Variants in NPHP3 observed in about 807,000 individuals in gnomAD.
NPHP3 encodes the protein nephrocystin-3.
A neutral mutation model predicts 171.9 loss-of-function variants in NPHP3; 123 were observed. The ratio of observed to expected loss-of-function variants is 0.72; its 90% confidence interval spans 0.62 to 0.83. NPHP3 has a LOEUF of 0.83. Ranked by LOEUF, NPHP3 falls within the 40% of genes least tolerant of loss-of-function variation. The pLI, the probability that NPHP3 is intolerant of heterozygous loss-of-function variation, is 0.00. For missense variants in NPHP3, 1,506 were observed against 1,591.9 expected (o/e 0.95, Z 0.92); for synonymous variants, 558 against 579.2 (o/e 0.96, Z 0.52).
chr3:132,718,641 G>C (rs1053338983), intron 3 of NPHP3, among the ~76,000 whole-genome samples: 1 of 152,172 alleles, frequency 6.6e-6, no homozygotes, highest in African/African-American at 2.4e-5. Flanking sequence ...AGTGATCTTA[G>C]GTTGTACCTT....
chr3:132,719,175 C>T lies in NPHP3; in HGVS notation c.520-31G>A, dbSNP rs778977875. Reference sequence around the variant, plus strand: ...AAAAGAATAATTTTAATGTTGAAAGCTTTTTCATAATCAAAAAGTTGTGTC... The same window carrying T: ...AAAAGAATAATTTTAATGTTGAAAGTTTTTTCATAATCAAAAAGTTGTGTC... On this transcript the variant is annotated intron_variant, in intron 2 of 26. Transcript: ENST00000337331. 13 of 1,540,106 alleles carry T rather than the reference C, an allele frequency of 8.4e-6. No homozygotes were observed. The African/African-American group carries it at 1.4e-4, about 16-fold the overall frequency.
chr3:132,682,121 T>C, intron 26 of NPHP3, 31 bp from the exon 27 acceptor site: 1 of 1,583,402 alleles, frequency 6.3e-7, no homozygotes, highest in Middle Eastern at 1.7e-4. Context: ...ACTCTTAAAA[T>C]GAGAATATAA....
chr3:132,716,998 T>TA, intron 3 of NPHP3, 89 bp from the exon 4 acceptor site: 1 of 1,319,892 alleles, frequency 7.6e-7, no homozygotes, highest in Non-Finnish European at 1.1e-6. Flanking sequence ...TTGCTGATTT[T>TA]AAAAAATATG....
Position 132,687,229 on chromosome 3 carries a change from T to TAA in NPHP3, c.3126-5_3126-4dup. On this transcript the variant is annotated splice_region_variant and splice_polypyrimidine_tract_variant and intron_variant, in intron 21 of 26. Transcript: ENST00000337331. ...TAAAATGTTCAGCTTGTTCATATCT[T>TAA]AAAAAAAAATTACAGTAAGTCAAAC... is the stretch of plus-strand genomic sequence containing the variant. 1 of 1,217,440 alleles carries TAA rather than the reference T, an allele frequency of 8.2e-7. No individual in the cohort carries two copies. Among genetic ancestry groups the TAA allele is most frequent in the Non-Finnish European group, 1.2e-6 (1 of 828,120 alleles). 75.4% of individuals were successfully genotyped at this position (1,217,440 alleles called of 1,614,324 possible). A position where few individuals can be genotyped will look rare whatever the true frequency, so the allele number is the denominator to read the frequency against.
At chr3:132,697,969 G>C (rs1939499777) in intron 13 of NPHP3, among the ~76,000 whole-genome samples, 1 of 151,832 alleles carries the variant, frequency 6.6e-6, no homozygotes, top group African/African-American at 2.4e-5. Context: ...CTGCTCCATG[G>C]GATCCAATTG....
At position 132,699,287 on chromosome 3, in the gene NPHP3, A is replaced by C. The variant is rs1576671671; in HGVS notation, c.1985+66T>G. The C allele has an allele frequency of 5.2e-6, 6 of 1,149,280 alleles. No homozygotes were observed. The East Asian group carries it at 1.4e-4, about 27-fold the overall frequency. The allele number at this position is 1,149,280 out of a possible 1,614,324, so 71.2% of individuals were successfully genotyped here. ...TGTGAAAACCATAAATGCATATTAA[A>C]AATCTTTCCTTGTTTGTACTTAAAA... On this transcript the variant is annotated intron_variant, in intron 13 of 26. Coordinates refer to ENST00000337331, the MANE Select transcript of NPHP3 (RefSeq NM_153240.5).
chr3:132,683,480 T>C lies in NPHP3; in HGVS notation c.3615A>G (p.Glu1205=). The C allele has an allele frequency of 6.2e-7, 1 of 1,613,162 alleles. No individual in the cohort carries two copies. Among genetic ancestry groups the C allele is most frequent in the Non-Finnish European group, 8.5e-7 (1 of 1,179,336 alleles). The change falls in exon 25 of 27, where the codon GAA becomes GAG. Residue 1205 remains glutamate (E), a synonymous_variant. Coordinates refer to ENST00000337331, the MANE Select transcript of NPHP3 (RefSeq NM_153240.5). ...TTGGGCCAAAAGATTTCTGTCGAAT[T>C]TCAACAGCCAATTCATACAAAGGTA... ...KAVPLYELAV[E]IRQKSFGPKH...
intron 15 of NPHP3, among the ~76,000 whole-genome samples, 195 bp downstream of exon 15, chr3:132,696,536 C>A (rs993119046): frequency 1.3e-5 from 2 of 152,294 alleles, no homozygotes; most frequent in South Asian, 2.1e-4. Flanking sequence ...TTAGACAAAT[C>A]TATCAAGTTC....
At chr3:132,706,377 C>CA (rs1046096782) in intron 7 of NPHP3, among the ~76,000 whole-genome samples, 107 of 142,180 alleles carry the variant, frequency 7.5e-4, no homozygotes, top group Non-Finnish European at 8.2e-4. Context: ...AAACAAAAAA[C>CA]AAAAAAAAAA....
In NPHP3 at chr3:132,699,396, C is replaced by T. The variant is rs148504463; in HGVS notation, c.1942G>A (p.Val648Ile). The change falls in exon 13 of 27, where the codon GTA becomes ATA. Residue 648 changes from valine to isoleucine, a missense_variant. Physicochemically the swap from Val to Ile is conservative, Grantham distance 29. Around this residue, in one of 3 missense-constraint regions of NPHP3, gnomAD observed 930 missense variants for 924.9 expected, o/e 1.01. Transcript: ENST00000337331. ...GTTTCTACATTCACAGAAACAATTA[C>T]TCTTACATTCACTGGCAGTGGATCT... is the stretch of plus-strand genomic sequence containing the variant. ...LIDPLPVNVR[V>I]IVSVNVETCP... 1.2e-6 allele frequency: 2 copies of T among 1,612,884 alleles called. No homozygotes were observed. Among genetic ancestry groups the T allele is most frequent in the East Asian group, 2.2e-5 (1 of 44,860 alleles).
chr3:132,721,975 C>T lies in NPHP3; in HGVS notation c.381G>A (p.Arg127=), dbSNP rs1940240316. 6.2e-7 allele frequency: 1 copy of T among 1,612,890 alleles called. No homozygotes were observed. Among genetic ancestry groups the T allele is most frequent in the South Asian group, 1.1e-5 (1 of 91,066 alleles). ...AGCCCGGCGTTACCTGCAGTTCGGCCCGCAGCCGCTTGTTCTCCGTGTCCA... is the reference window on the plus strand; with the variant it reads ...AGCCCGGCGTTACCTGCAGTTCGGCTCGCAGCCGCTTGTTCTCCGTGTCCA... The part of the protein sequence containing the change: ...AKLDTENKRL[R]AELQALQKTY... The change falls in exon 1 of 27, where the codon CGG becomes CGA. Residue 127 remains arginine (R), a synonymous_variant. Coordinates refer to ENST00000337331, the MANE Select transcript of NPHP3 (RefSeq NM_153240.5).
rs575527382 is a variant in NPHP3 at position 132,683,341 on chromosome 3, C to T, written c.3696+58G>A. On this transcript the variant is annotated intron_variant, in intron 25 of 26. Transcript: ENST00000337331. ...GTGTTCCCTATCTAATTCATGTTTA[C>T]CTATGTTTTATACCATAAAATCATT... The T allele has an allele frequency of 6.8e-5, 100 of 1,462,486 alleles. 2 individuals are homozygous for T. In the East Asian group the frequency reaches 1.3e-3, roughly 19 times the overall value. The allele number at this position is 1,462,486 out of a possible 1,614,324, so 90.6% of individuals were successfully genotyped here.
chr3:132,695,501 A>G (rs981574295), intron 15 of NPHP3, among the ~76,000 whole-genome samples: 2 of 152,234 alleles, frequency 1.3e-5, no homozygotes, highest in Admixed American at 6.5e-5. Flanking sequence ...TTCAAAAATA[A>G]AAACAGTAAA....
At chr3:132,691,148 GT>G in intron 18 of NPHP3, 43 bp downstream of exon 18, 1 of 1,329,588 alleles carries the variant, frequency 7.5e-7, no homozygotes. Context: ...CAAAGGTAGT[GT>G]GTTGCAGAAG....
At chr3:132,694,391 AC>A (rs1939392093) in intron 16 of NPHP3, among the ~76,000 whole-genome samples, 3 of 151,482 alleles carry the variant, frequency 2.0e-5, no homozygotes. Flanking sequence ...ACACACACAC[AC>A]ACATATATAT....
intron 1 of NPHP3, among the ~76,000 whole-genome samples, chr3:132,721,011 G>A (rs1196914209): frequency 1.3e-5 from 2 of 151,870 alleles, no homozygotes; most frequent in African/African-American, 4.8e-5. Context: ...TCCGCCTCCC[G>A]GGTTCAAGCA....
At position 132,719,006 on chromosome 3, in the gene NPHP3, T is replaced by C. The variant is rs1261148404; in HGVS notation, c.658A>G (p.Thr220Ala). The change falls in exon 3 of 27, where the codon ACA becomes GCA. Residue 220 changes from threonine to alanine, a missense_variant. By Grantham distance (58) the Thr-to-Ala change is moderately conservative (BLOSUM62 0). Transcript: ENST00000337331. ...GATATACACTTACCAGTGACATCTG[T>C]ACAGTTGTCATCTGAATCAGACTCC... ...PGESDSDDNC[T>A]DVTAAGTQCE... The C allele has an allele frequency of 4.3e-6, 7 of 1,614,076 alleles. No individual in the cohort carries two copies. Among genetic ancestry groups the C allele is most frequent in the Non-Finnish European group, 5.1e-6 (6 of 1,180,028 alleles).
At chr3:132,698,444 A>G (rs1279032680) in intron 13 of NPHP3, among the ~76,000 whole-genome samples, 1 of 151,192 alleles carries the variant, frequency 6.6e-6, no homozygotes, top group Non-Finnish European at 1.5e-5. Flanking sequence ...TGCCTGGCTA[A>G]TTTTTGTATT....
rs769918347 is a variant in NPHP3 at position 132,692,824 on chromosome 3, T to C, written c.2311-6A>G. On this transcript the variant is annotated splice_region_variant and splice_polypyrimidine_tract_variant and intron_variant, in intron 16 of 26. Coordinates refer to ENST00000337331, the MANE Select transcript of NPHP3 (RefSeq NM_153240.5). ...ACATTGACAAGGCAGAGGATCTAGG[T>C]AGAAAAACAAATTAACAGTAATCAT... is the stretch of plus-strand genomic sequence containing the variant. The C allele has an allele frequency of 3.5e-5, 57 of 1,613,112 alleles. No individual in the cohort carries two copies. Among genetic ancestry groups the C allele is most frequent in the Non-Finnish European group, 4.7e-5 (56 of 1,179,246 alleles).
Sources: gnomAD v4.1 joint callset for allele counts (sites outside exome capture counted in the v4.1 genomes callset) on GRCh38, gnomAD v4.1.1 for gene constraint, gnomAD v4.1.1 regional missense constraint, MANE v1.5 for transcripts, NCBI Gene and HGNC (gene_info 2026-07-23, HGNC 2026-07-21) for gene names.